NRCAM: variants seen among roughly 807,000 people sequenced by gnomAD.
NRCAM encodes the protein neuronal cell adhesion molecule, also known as NgCAM-related cell adhesion molecule.
NRCAM carries 83 observed loss-of-function variants against 156.5 expected under a neutral mutation model. That is an observed-to-expected ratio of 0.53 (90% CI 0.44 to 0.64). The LOEUF (loss-of-function observed/expected upper bound fraction) is 0.64, where lower values mean the gene tolerates loss of function less well. Ranked by LOEUF, NRCAM falls within the 30% of genes least tolerant of loss-of-function variation. The probability of loss-of-function intolerance (pLI) is 0.00; values close to 1 mark genes in which losing one functional copy is unlikely to be tolerated. For missense variants in NRCAM, 1,417 were observed against 1,597.3 expected (o/e 0.89, Z 1.92); for synonymous variants, 538 against 563.9 (o/e 0.95, Z 0.65).
rs563281396 is a variant in NRCAM at position 108,180,236 on chromosome 7, A to C, written c.2838T>G (p.Asn946Lys). The change falls in exon 25 of 33, where the codon AAT becomes AAG. Residue 946 changes from asparagine to lysine, a missense_variant. Transcript: ENST00000379028. ...EGPASPDRVFNTPEGVPSAPS... is the reference protein window; with the variant it reads ...EGPASPDRVFKTPEGVPSAPS... ...TCCATTCCATACCTCCTTCTGGAGTATTAAAGACTCTGTCAGGGCTGGCTG... is the reference window on the plus strand; with the variant it reads ...TCCATTCCATACCTCCTTCTGGAGTCTTAAAGACTCTGTCAGGGCTGGCTG... The C allele has an allele frequency of 6.2e-7, 1 of 1,614,070 alleles. No homozygotes were observed. Among genetic ancestry groups the C allele is most frequent in the African/African-American group, 1.3e-5 (1 of 75,068 alleles).
intron 25 of NRCAM, 65 bp from the exon 26 acceptor site, chr7:108,178,177 A>T (rs1392758890): frequency 6.5e-7 from 1 of 1,542,646 alleles, no homozygotes; most frequent in Non-Finnish European, 8.9e-7. Flanking sequence ...TTAAATTGAC[A>T]TTTCACCGTG....
intron 3 of NRCAM, among the ~76,000 whole-genome samples, chr7:108,289,685 G>C (rs2098225579): frequency 1.3e-5 from 2 of 152,116 alleles, no homozygotes; most frequent in East Asian, 3.9e-4. Context: ...TTTATTTAAA[G>C]CCTTATCTAG....
intron 3 of NRCAM, among the ~76,000 whole-genome samples, chr7:108,289,432 A>T (rs373451346): frequency 5.9e-5 from 9 of 152,148 alleles, no homozygotes; most frequent in Non-Finnish European, 1.0e-4. Flanking sequence ...CAAGAAAACT[A>T]TATTGTTTTT....
rs532682089 is a variant in NRCAM, at chr7:108,245,205, G to A, written c.-106-5035C>T. On this transcript the variant is annotated intron_variant, in intron 3 of 32. Coordinates refer to ENST00000379028, the MANE Select transcript of NRCAM (RefSeq NM_001037132.4). ...TAGAGCTCCAGTTCCGGAAGGTTCT[G>A]GAGCTTTTAGCCATCTCACACTGCC... Among the ~76,000 whole-genome samples, 14 of 152,226 alleles carry A rather than the reference G, an allele frequency of 9.2e-5. No individual in the cohort carries two copies. The South Asian group carries it at 2.9e-3, about 32-fold the overall frequency.
intron 3 of NRCAM, among the ~76,000 whole-genome samples, chr7:108,269,260 C>T (rs915083401): frequency 6.6e-6 from 1 of 152,014 alleles, no homozygotes; most frequent in Non-Finnish European, 1.5e-5. Flanking sequence ...ATCAGCATTG[C>T]TGATTTTTCC....
intron 3 of NRCAM, among the ~76,000 whole-genome samples, chr7:108,246,876 T>A (rs2095973999): frequency 6.6e-6 from 1 of 152,158 alleles, no homozygotes; most frequent in African/African-American, 2.4e-5. Context: ...CATAGTCAAC[T>A]CTCACAATGG....
rs765009628 is a variant in NRCAM, at chr7:108,189,738, T to C, written c.1942A>G (p.Asn648Asp). ...GTCAGTTCTAAGTCAAAGGGAGGAT[T>C]TGGGACATCTGTAGACCAAACATAC... ...PTPAPVYDVP[N>D]PPFDLELTDQ... The change falls in exon 20 of 33, where the codon AAT becomes GAT. Residue 648 changes from asparagine to aspartate, a missense_variant. This residue lies in a region of NRCAM where 1,238 missense variants were observed against 1,336.4 expected (regional missense o/e 0.93). Transcript: ENST00000379028. The C allele has an allele frequency of 7.1e-7, 1 of 1,414,660 alleles. No homozygotes were observed. Among genetic ancestry groups the C allele is most frequent in the South Asian group, 1.2e-5 (1 of 85,440 alleles). 87.6% of individuals were successfully genotyped at this position (1,414,660 alleles called of 1,614,324 possible).
intron 1 of NRCAM, among the ~76,000 whole-genome samples, chr7:108,437,734 CAAAG>C (rs1833935083): frequency 6.6e-6 from 1 of 151,806 alleles, no homozygotes; most frequent in Admixed American, 6.6e-5. Context: ...TCCATGTAAA[CAAAG>C]ATTTTATAAA....
chr7:108,390,940 G>A (rs1160434222), intron 2 of NRCAM, among the ~76,000 whole-genome samples: 1 of 152,212 alleles, frequency 6.6e-6, no homozygotes, highest in East Asian at 1.9e-4. Flanking sequence ...CTGAGAGACA[G>A]TTTGTTATAG....
chr7:108,283,591 A>G lies in NRCAM; in HGVS notation c.-107+29074T>C, dbSNP rs138136982. On this transcript the variant is annotated intron_variant, in intron 3 of 32. Transcript: ENST00000379028. The stretch of plus-strand genomic sequence containing the variant: ...AGGAGATAGGTTTGGAAAAGGCTGG[A>G]TCACTTCCAGGAGGGTCCTGAATGT... Among the ~76,000 whole-genome samples, 757 of 152,276 alleles carry G rather than the reference A, an allele frequency of 5.0e-3. 4 individuals are homozygous for G. Among genetic ancestry groups the G allele is most frequent in the African/African-American group, 0.017 (692 of 41,546 alleles).
At chr7:108,222,934 C>A (rs978115947) in intron 11 of NRCAM, among the ~76,000 whole-genome samples, 2 of 152,204 alleles carry the variant, frequency 1.3e-5, no homozygotes, top group African/African-American at 4.8e-5. Context: ...GGCCTCCCTG[C>A]AACTCCTGTC....
intron 1 of NRCAM, among the ~76,000 whole-genome samples, chr7:108,443,703 A>C (rs925859409): frequency 1.3e-5 from 2 of 152,192 alleles, no homozygotes; most frequent in Admixed American, 6.5e-5. Context: ...GTTGCAGCTG[A>C]TTATAATCGA....
chr7:108,189,703 A>C lies in NRCAM; in HGVS notation c.1977T>G (p.Leu659=). The C allele has an allele frequency of 6.4e-7, 1 of 1,560,256 alleles. No individual in the cohort carries two copies. The highest frequency in any genetic ancestry group is 8.8e-7 in the Non-Finnish European group (1 of 1,133,084). Residue 659 remains leucine, a synonymous_variant, in exon 20 of 33, where the codon CTT becomes CTG. Transcript: ENST00000379028. ...TCCATGACAGCTGAACACTTTTGTCAAGTTGATCTGTCAGTTCTAAGTCAA... is the reference window on the plus strand; with the variant it reads ...TCCATGACAGCTGAACACTTTTGTCCAGTTGATCTGTCAGTTCTAAGTCAA... The part of the protein sequence containing the change: ...PPFDLELTDQ[L]DKSVQLSWTP...
intron 11 of NRCAM, among the ~76,000 whole-genome samples, chr7:108,210,243 G>GTTTTTTTTTTTTTTTTTTT (rs201295525): frequency 6.7e-6 from 1 of 149,606 alleles, no homozygotes; most frequent in African/African-American, 2.5e-5. Context: ...GTCACCCAAT[G>GTTTTTTTTTTTTTTTTTTT]TTTTGTTTTG....
chr7:108,302,956 A>G (rs1301893673), intron 3 of NRCAM, among the ~76,000 whole-genome samples: 1 of 151,982 alleles, frequency 6.6e-6, no homozygotes, highest in African/African-American at 2.4e-5. Context: ...GCTGCATTTT[A>G]TTTTTTATTT....
intron 2 of NRCAM, among the ~76,000 whole-genome samples, chr7:108,381,841 G>A (rs988039300): frequency 2.6e-5 from 4 of 152,100 alleles, no homozygotes; most frequent in East Asian, 1.9e-4. Context: ...GATTACAGCC[G>A]TGAGTCACTG....
intron 19 of NRCAM, among the ~76,000 whole-genome samples, chr7:108,190,698 A>C (rs529884050): frequency 6.6e-6 from 1 of 152,324 alleles, no homozygotes; most frequent in South Asian, 2.1e-4. Flanking sequence ...GCCACACAAC[A>C]TAAATGTGCC....
intron 3 of NRCAM, among the ~76,000 whole-genome samples, chr7:108,300,346 T>C (rs773861363): frequency 8.9e-4 from 136 of 151,972 alleles, no homozygotes; most frequent in Admixed American, 1.5e-3. Flanking sequence ...TTAAAATATA[T>C]TATATAAAAT....
At chr7:108,202,178 T>G (rs1174690274) in intron 13 of NRCAM, among the ~76,000 whole-genome samples, 1 of 149,766 alleles carries the variant, frequency 6.7e-6, no homozygotes, top group Non-Finnish European at 1.5e-5. Flanking sequence ...TACAAATAAC[T>G]TAAAGCCACA....
Sources: gnomAD v4.1 joint callset for allele counts (sites outside exome capture counted in the v4.1 genomes callset) on GRCh38, gnomAD v4.1.1 for gene constraint, gnomAD v4.1.1 regional missense constraint, MANE v1.5 for transcripts, NCBI Gene and HGNC (gene_info 2026-07-23, HGNC 2026-07-21) for gene names.